SHISA9: variants seen among roughly 807,000 people sequenced by gnomAD.
SHISA9 encodes the protein protein shisa-9.
In SHISA9, 13 loss-of-function variants were observed where a neutral mutation model predicts 38.0. The observed-to-expected ratio is 0.34, with a 90% CI of 0.22 to 0.54. The LOEUF (loss-of-function observed/expected upper bound fraction) is 0.54, where lower values mean the gene tolerates loss of function less well. Among genes scored for constraint, SHISA9 ranks in the 20% least tolerant of loss-of-function variants. SHISA9 has a pLI of 0.91. For synonymous variants in SHISA9, 275 were observed against 242.0 expected (o/e 1.14, Z -1.27); for missense variants, 538 against 575.8 (o/e 0.93, Z 0.67).
At chr16:13,224,226 C>T (rs1221784681) in intron 4 of SHISA9, among the ~76,000 whole-genome samples, 1 of 152,192 alleles carries the variant, frequency 6.6e-6, no homozygotes, top group Non-Finnish European at 1.5e-5. Context: ...TTCTGATATA[C>T]CCAAACAGTC....
intron 2 of SHISA9, among the ~76,000 whole-genome samples, chr16:13,186,923 A>G (rs1399775330): frequency 1.3e-5 from 2 of 152,318 alleles, no homozygotes; most frequent in South Asian, 2.1e-4. Context: ...TTAAAGCTCA[A>G]TTGTATTCCA....
intron 2 of SHISA9, among the ~76,000 whole-genome samples, chr16:13,052,007 C>A (rs574535803): frequency 6.6e-6 from 1 of 152,268 alleles, no homozygotes; most frequent in South Asian, 2.1e-4. Flanking sequence ...TCGTGATCCG[C>A]CTGCCTCGGC....
At chr16:12,912,914 C>T (rs2071205229) in intron 1 of SHISA9, among the ~76,000 whole-genome samples, 1 of 152,160 alleles carries the variant, frequency 6.6e-6, no homozygotes, top group African/African-American at 2.4e-5. Context: ...GGCCTTTGCA[C>T]TTGCTGTTCT....
intron 2 of SHISA9, among the ~76,000 whole-genome samples, chr16:12,972,577 C>G (rs185458075): frequency 6.6e-6 from 1 of 152,172 alleles, no homozygotes; most frequent in Non-Finnish European, 1.5e-5. Flanking sequence ...GGAAATACTC[C>G]GTGTCTGTTC....
chr16:13,557,051 C>T, the SHISA9 span, among the ~76,000 whole-genome samples: 1 of 152,084 alleles, frequency 6.6e-6, no homozygotes, highest in East Asian at 1.9e-4. Context: ...GTTTGGTACT[C>T]TAGTCTATTC....
chr16:13,188,112 T>A (rs1016099585), intron 2 of SHISA9, among the ~76,000 whole-genome samples: 4 of 152,234 alleles, frequency 2.6e-5, no homozygotes, highest in African/African-American at 9.6e-5. Flanking sequence ...GGTCATTTGC[T>A]GTCCCAGGCA....
intron 2 of SHISA9, among the ~76,000 whole-genome samples, chr16:13,115,721 G>C (rs1178529624): frequency 6.6e-6 from 1 of 152,136 alleles, no homozygotes. Context: ...ACATATGATG[G>C]CCTAGTCAGA....
At chr16:12,909,380 G>A (rs1230423466) in intron 1 of SHISA9, 1 of 985,348 alleles carries the variant, frequency 1.0e-6, no homozygotes. Context: ...TGTGCAAGAA[G>A]AAGTGCTCAG....
the SHISA9 span, among the ~76,000 whole-genome samples, chr16:13,374,204 A>G: frequency 1.3e-5 from 2 of 150,446 alleles, no homozygotes; most frequent in Non-Finnish European, 3.0e-5. Flanking sequence ...TCTAGGGTAC[A>G]TGTGCACAAC....
the SHISA9 span, among the ~76,000 whole-genome samples, chr16:13,310,608 T>C: frequency 6.6e-6 from 1 of 152,146 alleles, no homozygotes; most frequent in Non-Finnish European, 1.5e-5. Flanking sequence ...TGAAGGACTT[T>C]TAGCAAAAAA....
At chr16:13,443,715 A>G in the SHISA9 span, among the ~76,000 whole-genome samples, 2 of 152,202 alleles carry the variant, frequency 1.3e-5, no homozygotes, top group African/African-American at 2.4e-5. Flanking sequence ...TGCGACTTCT[A>G]TGACACACCT....
At chr16:12,910,383 T>G in intron 1 of SHISA9, 7 of 732,708 alleles carry the variant, frequency 9.6e-6, no homozygotes, top group Non-Finnish European at 1.2e-5. Flanking sequence ...CTGAGAGATA[T>G]GAGATAACCA....
chr16:13,397,423 T>TGTTC, the SHISA9 span, among the ~76,000 whole-genome samples: 9 of 151,876 alleles, frequency 5.9e-5, no homozygotes, highest in South Asian at 1.0e-3. Flanking sequence ...TTGGTTTGTT[T>TGTTC]GTTTGTTTGT....
the SHISA9 span, among the ~76,000 whole-genome samples, chr16:13,344,422 C>G: frequency 6.6e-6 from 1 of 152,090 alleles, no homozygotes; most frequent in Non-Finnish European, 1.5e-5. Flanking sequence ...CCCATCATTC[C>G]TTTTTTAGCT....
chr16:13,063,163 C>T (rs1310571410), intron 2 of SHISA9, among the ~76,000 whole-genome samples: 4 of 152,088 alleles, frequency 2.6e-5, no homozygotes, highest in African/African-American at 9.7e-5. Flanking sequence ...TGTGCCACCA[C>T]ACCCGGCTAC....
At chr16:13,498,003 ACAAAG>A in the SHISA9 span, among the ~76,000 whole-genome samples, 5 of 152,196 alleles carry the variant, frequency 3.3e-5, no homozygotes, top group South Asian at 2.1e-4. Context: ...AAAAAAAATC[ACAAAG>A]CAAACACTCA....
chr16:13,411,754 T>G, the SHISA9 span, among the ~76,000 whole-genome samples: 5 of 152,352 alleles, frequency 3.3e-5, no homozygotes, highest in South Asian at 2.1e-4. Flanking sequence ...CTGCTCATAT[T>G]TCATTGGTTG....
chr16:13,554,392 G>C, the SHISA9 span, among the ~76,000 whole-genome samples: 2 of 150,568 alleles, frequency 1.3e-5, no homozygotes, highest in Non-Finnish European at 3.0e-5. Context: ...CTACAAGTCT[G>C]GTATTTATTT....
chr16:13,284,894 C>T, the SHISA9 span, among the ~76,000 whole-genome samples: 1 of 152,180 alleles, frequency 6.6e-6, no homozygotes, highest in Non-Finnish European at 1.5e-5. Context: ...CCACTGTGCC[C>T]AGTCTTTTTT....
Sources: gnomAD v4.1 joint callset for allele counts (sites outside exome capture counted in the v4.1 genomes callset) on GRCh38, gnomAD v4.1.1 for gene constraint, MANE v1.5 for transcripts, NCBI Gene and HGNC (gene_info 2026-07-23, HGNC 2026-07-21) for gene names.